WAPL: variants seen among roughly 807,000 people sequenced by gnomAD.
The protein encoded by WAPL is WAPL cohesin release factor.
Under a neutral mutation model 121.0 loss-of-function variants are expected in WAPL, and 5 were observed. The ratio of observed to expected loss-of-function variants is 0.04; its 90% CI spans 0.02 to 0.09. The LOEUF (loss-of-function observed/expected upper bound fraction) is 0.09. WAPL is among the 10% of genes least tolerant of loss of function. The probability of loss-of-function intolerance (pLI) is 1.00; values close to 1 mark genes in which losing one functional copy is unlikely to be tolerated. For missense variants in WAPL, 999 were observed against 1,410.8 expected, an observed-to-expected ratio of 0.71 and a Z score of 4.68; for synonymous variants, 480 against 481.5, an observed-to-expected ratio of 1.00 and a Z score of 0.04.
At chr10:86,461,777 C>G (rs536336426) in intron 9 of WAPL, among the ~76,000 whole-genome samples, 1 of 152,324 alleles carries the variant, frequency 6.6e-6, no homozygotes, top group African/African-American at 2.4e-5. Flanking sequence ...TTTACAACGA[C>G]AGTAACCTTG....
At chr10:86,474,043 A>C in intron 4 of WAPL, 70 bp from the exon 5 acceptor site, 1 of 1,226,992 alleles carries the variant, frequency 8.2e-7, no homozygotes, top group Admixed American at 1.7e-5. Flanking sequence ...ATCATAAAGA[A>C]TAATTTATAT....
rs557361771 is a variant in WAPL, at chr10:86,437,374, G to A, written c.*169C>T. ...AGATTGATGTAGTAACTGTCATTTAGCAAATGCCGAATGCATGACGAAGAA... is the reference window on the plus strand; with the variant it reads ...AGATTGATGTAGTAACTGTCATTTAACAAATGCCGAATGCATGACGAAGAA... On this transcript the variant is annotated 3_prime_UTR_variant, in exon 19 of 19. Coordinates refer to ENST00000298767, the MANE Select transcript of WAPL (RefSeq NM_015045.5). 1 of 603,046 alleles carries A rather than the reference G, an allele frequency of 1.7e-6. No individual in the cohort carries two copies. Among genetic ancestry groups the A allele is most frequent in the East Asian group, 3.0e-5 (1 of 33,752 alleles). 37.4% of individuals were successfully genotyped at this position (603,046 alleles called of 1,614,324 possible).
rs781758719 is a variant in WAPL at position 86,446,261 on chromosome 10, T to C, written c.3303A>G (p.Glu1101=). The C allele has an allele frequency of 6.2e-7, 1 of 1,614,158 alleles. No individual in the cohort carries two copies. Among genetic ancestry groups the C allele is most frequent in the African/African-American group, 1.3e-5 (1 of 75,050 alleles). The change falls in exon 16 of 19, where the codon GAA becomes GAG. Residue 1101 remains glutamate (E), a synonymous_variant. Coordinates refer to ENST00000298767, the MANE Select transcript of WAPL (RefSeq NM_015045.5). ...EEKHKKEEED[E]ELDLNKALQH... is the part of the protein sequence containing the mutation. ...ATATACCTTTATTGAGGTCAAGTTC[T>C]TCATCCTCCTCCTCCTTCTTATGTT... is the stretch of plus-strand genomic sequence containing the variant.
chr10:86,443,383 G>A lies in WAPL; in HGVS notation c.3323-20C>T. On this transcript the variant is annotated intron_variant, in intron 16 of 18. Transcript: ENST00000298767. ...GAAGGGCTGAGAGAATTGAAGTAAA[G>A]AATTGTAACAGTATATTAATTAACA... is the stretch of plus-strand genomic sequence containing the variant. 6.2e-7 allele frequency: 1 copy of A among 1,610,164 alleles called. No homozygotes were observed. Among genetic ancestry groups the A allele is most frequent in the African/African-American group, 1.3e-5 (1 of 74,960 alleles).
chr10:86,479,719 C>G (rs188577199), intron 4 of WAPL, among the ~76,000 whole-genome samples: 13 of 152,294 alleles, frequency 8.5e-5, no homozygotes, highest in Admixed American at 3.3e-4. Context: ...AATCAATCAG[C>G]ACGAAGTACA....
intron 4 of WAPL, among the ~76,000 whole-genome samples, chr10:86,477,274 C>T (rs145158866): frequency 6.6e-6 from 1 of 152,310 alleles, no homozygotes; most frequent in East Asian, 1.9e-4. Context: ...ATTCCACATG[C>T]TCCTAAGTGA....
intron 16 of WAPL, among the ~76,000 whole-genome samples, chr10:86,444,489 C>T (rs1564560783): frequency 6.6e-6 from 1 of 152,138 alleles, no homozygotes; most frequent in Non-Finnish European, 1.5e-5. Flanking sequence ...TATTATTTGT[C>T]TAAGGAATAC....
rs1360083073 is a variant in WAPL, at chr10:86,500,741, T to C, written c.502A>G (p.Lys168Glu). The change falls in exon 3 of 19, where the codon AAA becomes GAA. Residue 168 changes from lysine to glutamate, a missense_variant and splice_region_variant. By Grantham distance (56) the Lys-to-Glu change is moderately conservative. Coordinates refer to ENST00000298767, the MANE Select transcript of WAPL (RefSeq NM_015045.5). ...TGTTCTTCATGAAAATTCTCCACTT[T>C]ATCTGTAAAAATAAGTCAAAGGATA... The part of the protein sequence containing the change: ...SSCNKLITSD[K>E]VENFHEEHEK... 26 of 1,551,572 alleles carry C rather than the reference T, an allele frequency of 1.7e-5. No homozygotes were observed. Among genetic ancestry groups the C allele is most frequent in the Non-Finnish European group, 2.2e-5 (26 of 1,156,716 alleles).
chr10:86,497,081 C>T (rs1842163924), intron 4 of WAPL, 120 bp downstream of exon 4: 8 of 827,784 alleles, frequency 9.7e-6, no homozygotes, highest in Non-Finnish European at 1.1e-5. Flanking sequence ...AAACGACTTA[C>T]ACATATCCTT....
chr10:86,435,879 C>T lies in WAPL; in HGVS notation c.*1664G>A, dbSNP rs1589483152. ...TTTTGCATTTTAAAATAAAATATAA[C>T]TAATTTAATTTTACGGGTATCATTT... On this transcript the variant is annotated 3_prime_UTR_variant, in exon 19 of 19. Transcript: ENST00000298767. 1 of 152,102 alleles carries T rather than the reference C, an allele frequency of 6.6e-6. No individual in the cohort carries two copies. The highest frequency in any genetic ancestry group is 1.5e-5 in the Non-Finnish European group (1 of 68,018). 9.4% of individuals were successfully genotyped at this position (152,102 alleles called of 1,614,324 possible).
chr10:86,470,965 T>G (rs1375853683), intron 8 of WAPL, 27 bp downstream of exon 8: 1 of 1,595,746 alleles, frequency 6.3e-7, no homozygotes, highest in African/African-American at 1.3e-5. Flanking sequence ...ACATAAGGCT[T>G]CTCAATCTCA....
At position 86,453,341 on chromosome 10, in the gene WAPL, A is replaced by G. The variant is rs371327528; in HGVS notation, c.2834-6T>C. 21 of 1,613,764 alleles carry G rather than the reference A, an allele frequency of 1.3e-5. No homozygotes were observed. Among genetic ancestry groups the G allele is most frequent in the Non-Finnish European group, 1.2e-5 (14 of 1,179,762 alleles). ...TGTTTTGGTGCTGCCCCACTCTGAA[A>G]TAAGAAATGGATACAGGAAAATGGT... On this transcript the variant is annotated splice_polypyrimidine_tract_variant and splice_region_variant and intron_variant, in intron 13 of 18. Coordinates refer to ENST00000298767, the MANE Select transcript of WAPL (RefSeq NM_015045.5).
chr10:86,466,414 A>G (rs192371650), intron 9 of WAPL, among the ~76,000 whole-genome samples: 5 of 152,152 alleles, frequency 3.3e-5, no homozygotes, highest in African/African-American at 9.7e-5. Context: ...TACTAAAAAT[A>G]CAAAAGTTAG....
chr10:86,470,311 G>T (rs1841508065), intron 8 of WAPL, among the ~76,000 whole-genome samples: 1 of 152,114 alleles, frequency 6.6e-6, no homozygotes, highest in African/African-American at 2.4e-5. Flanking sequence ...TGGGATTACA[G>T]GCATGAGCCA....
chr10:86,445,893 A>C (rs1481232335), intron 16 of WAPL, among the ~76,000 whole-genome samples: 3 of 152,198 alleles, frequency 2.0e-5, no homozygotes, highest in Non-Finnish European at 4.4e-5. Flanking sequence ...TAGATCTTCA[A>C]GTTTAAAGTG....
At chr10:86,455,445 T>C (rs1056942063) in intron 12 of WAPL, among the ~76,000 whole-genome samples, 1 of 151,946 alleles carries the variant, frequency 6.6e-6, no homozygotes, top group East Asian at 1.9e-4. Flanking sequence ...TTAAGGGCAG[T>C]GCAAGATGTG....
intron 17 of WAPL, among the ~76,000 whole-genome samples, chr10:86,442,697 G>A (rs1849498766): frequency 6.6e-6 from 1 of 152,050 alleles, no homozygotes; most frequent in Non-Finnish European, 1.5e-5. Flanking sequence ...TTCCAATACA[G>A]ACTGTACTAA....
At chr10:86,480,889 A>AC (rs1282472425) in intron 4 of WAPL, among the ~76,000 whole-genome samples, 1 of 152,200 alleles carries the variant, frequency 6.6e-6, no homozygotes, top group East Asian at 1.9e-4. Flanking sequence ...GTAGAATACC[A>AC]CCACACAAGG....
chr10:86,453,251 G>A lies in WAPL; in HGVS notation c.2918C>T (p.Pro973Leu), dbSNP rs1471914744. 3.1e-6 allele frequency: 5 copies of A among 1,613,926 alleles called. No homozygotes were observed. Among genetic ancestry groups the A allele is most frequent in the South Asian group, 1.1e-5 (1 of 91,084 alleles). ...NCVLQVPKYLPQEQRFDIRVL... is the reference protein window; with the variant it reads ...NCVLQVPKYLLQEQRFDIRVL... ...TCGAATATCAAATCTCTGCTCCTGAGGTAGGTACTTTGGAACCTGAAGCAC... is the reference window on the plus strand; with the variant it reads ...TCGAATATCAAATCTCTGCTCCTGAAGTAGGTACTTTGGAACCTGAAGCAC... Residue 973 changes from proline (P) to leucine (L), a missense_variant, in exon 14 of 19, where the codon CCT becomes CTT. Physicochemically the swap from Pro to Leu is moderately conservative, Grantham distance 98. Transcript: ENST00000298767.
Sources: allele counts gnomAD v4.1 joint callset (sites outside exome capture counted in the v4.1 genomes callset), GRCh38; gene constraint gnomAD v4.1.1; transcripts MANE v1.5; gene names NCBI Gene and HGNC (gene_info 2026-07-23, HGNC 2026-07-21).